Variants in CPB2 observed in about 807,000 individuals in gnomAD.
CPB2 encodes the protein carboxypeptidase B-like protein.
In CPB2, 54 loss-of-function variants were observed where a neutral mutation model predicts 57.0. The ratio of observed to expected loss-of-function variants is 0.95; its 90% confidence interval spans 0.76 to 1.19. The LOEUF (loss-of-function observed/expected upper bound fraction) is 1.19. Among genes scored for constraint, CPB2 ranks in the 50% most tolerant of loss-of-function variants. The pLI is 0.00. For synonymous variants in CPB2, 189 were observed against 178.1 expected, an observed-to-expected ratio of 1.06 and a Z score of -0.49; for missense variants, 426 against 512.0, an observed-to-expected ratio of 0.83 and a Z score of 1.62.
chr13:46,064,710 T>C lies in CPB2; in HGVS notation c.734A>G (p.Tyr245Cys). 1 of 1,614,128 alleles carries C rather than the reference T, an allele frequency of 6.2e-7. No homozygotes were observed. Among genetic ancestry groups the C allele is most frequent in the Non-Finnish European group, 8.5e-7 (1 of 1,179,990 alleles). The change falls in exon 8 of 11, where the codon TAT becomes TGT. Residue 245 changes from tyrosine to cysteine, a missense_variant. Physicochemically the swap from Tyr to Cys is radical, Grantham distance 194 (BLOSUM62 -2). Transcript: ENST00000181383. Reference sequence around the variant, plus strand: ...TGTTCCGATGCAATGATTGTTCGCATAGAAAGAACGGTTCTTTCTCCACAT... The same window carrying C: ...TGTTCCGATGCAATGATTGTTCGCACAGAAAGAACGGTTCTTTCTCCACAT... Reference protein sequence around the residue: ...NRMWRKNRSFYANNHCIGTDL... With the variant: ...NRMWRKNRSFCANNHCIGTDL...
At chr13:46,079,636 G>T (rs2045081690) in intron 4 of CPB2, among the ~76,000 whole-genome samples, 1 of 151,934 alleles carries the variant, frequency 6.6e-6, no homozygotes, top group Non-Finnish European at 1.5e-5. Context: ...GTCTGGTTTG[G>T]GATTGCTGGG....
chr13:46,104,581 T>C (rs2045471654), intron 1 of CPB2, among the ~76,000 whole-genome samples: 1 of 152,232 alleles, frequency 6.6e-6, no homozygotes, highest in Non-Finnish European at 1.5e-5. Context: ...GATCCATAGT[T>C]AACTTTTTTT....
At position 46,058,388 on chromosome 13, in the gene CPB2, C is replaced by T. The variant is rs369983289; in HGVS notation, c.797-7G>A. ...GAACTGGATGCACCTTCCTCTGTAACGAAATTGTTAAGGTGAAATTATGAG... is the reference window on the plus strand; with the variant it reads ...GAACTGGATGCACCTTCCTCTGTAATGAAATTGTTAAGGTGAAATTATGAG... On this transcript the variant is annotated splice_region_variant and splice_polypyrimidine_tract_variant and intron_variant, in intron 8 of 10. Coordinates refer to ENST00000181383, the MANE Select transcript of CPB2 (RefSeq NM_001872.5). The T allele has an allele frequency of 3.9e-5, 63 of 1,613,286 alleles. No homozygotes were observed. The highest frequency in any genetic ancestry group is 4.4e-5 in the Non-Finnish European group (52 of 1,179,558).
chr13:46,083,500 C>T (rs1297308486), intron 3 of CPB2, among the ~76,000 whole-genome samples: 2 of 152,034 alleles, frequency 1.3e-5, no homozygotes, highest in Non-Finnish European at 2.9e-5. Flanking sequence ...CAGAAGAGAG[C>T]ATGGTCTCAA....
intron 1 of CPB2, among the ~76,000 whole-genome samples, chr13:46,090,986 A>G (rs1440429766): frequency 6.6e-6 from 1 of 152,148 alleles, no homozygotes; most frequent in Non-Finnish European, 1.5e-5. Context: ...AGCCTCCCAA[A>G]GTGCTGGGAT....
intron 10 of CPB2, among the ~76,000 whole-genome samples, chr13:46,054,691 T>G (rs2044669668): frequency 6.6e-6 from 1 of 151,972 alleles, no homozygotes; most frequent in Non-Finnish European, 1.5e-5. Flanking sequence ...GCCAGAAGAC[T>G]TGTTACAGTT....
At chr13:46,070,202 T>A (rs2044918892) in intron 6 of CPB2, among the ~76,000 whole-genome samples, 1 of 152,250 alleles carries the variant, frequency 6.6e-6, no homozygotes, top group Admixed American at 6.5e-5. Context: ...TAGAAGATTT[T>A]GCCCTACTGT....
Position 46,067,380 on chromosome 13 carries a change from T to C in CPB2, c.629A>G (p.Asn210Ser), listed in dbSNP as rs1047291731. The C allele has an allele frequency of 6.9e-6, 11 of 1,592,020 alleles. No homozygotes were observed. In the East Asian group the frequency reaches 9.0e-5, roughly 13 times the overall value. The change falls in exon 7 of 11, where the codon AAT becomes AGT. Residue 210 changes from asparagine to serine, a missense_variant. Asn to Ser is a conservative substitution (Grantham distance 46, BLOSUM62 1). Transcript: ENST00000181383. ...ATAGAAATCCACAAGCCTCAGGAGA[T>C]TGGTATATTGCCCTATTATCCCATA... ...QFYGIIGQYT[N>S]LLRLVDFYVM...
At chr13:46,064,094 C>CT (rs1219754773) in intron 8 of CPB2, among the ~76,000 whole-genome samples, 1 of 151,676 alleles carries the variant, frequency 6.6e-6, no homozygotes, top group Non-Finnish European at 1.5e-5. Context: ...CCCATCTGTA[C>CT]TAAAAAAAAT....
intron 5 of CPB2, among the ~76,000 whole-genome samples, chr13:46,076,069 C>T (rs564429742): frequency 2.6e-5 from 4 of 152,282 alleles, no homozygotes; most frequent in Admixed American, 2.0e-4. Context: ...CAGCCTTGTC[C>T]GGCTGTTTGT....
chr13:46,100,644 T>A (rs1157692258), intron 1 of CPB2: 1 of 152,266 alleles, frequency 6.6e-6, no homozygotes, highest in African/African-American at 2.4e-5. Context: ...CAAAGACTGG[T>A]GCCTGGCTTC....
intron 5 of CPB2, among the ~76,000 whole-genome samples, chr13:46,075,664 G>C (rs1256751659): frequency 2.6e-5 from 4 of 152,182 alleles, no homozygotes; most frequent in Non-Finnish European, 4.4e-5. Flanking sequence ...GATTAAAATT[G>C]AGAAGTCCTA....
chr13:46,100,363 G>C (rs1366582045), intron 1 of CPB2: 1 of 152,200 alleles, frequency 6.6e-6, no homozygotes, highest in African/African-American at 2.4e-5. Flanking sequence ...TAGGTAATGG[G>C]ATGAGGGTCA....
At chr13:46,099,091 A>T (rs976560907) in intron 1 of CPB2, 2 of 152,214 alleles carry the variant, frequency 1.3e-5, no homozygotes, top group Non-Finnish European at 2.9e-5. Flanking sequence ...CTTCTGAGAT[A>T]CTAGGATTCA....
chr13:46,055,074 T>TAA (rs68147896), intron 10 of CPB2, among the ~76,000 whole-genome samples: 55 of 142,300 alleles, frequency 3.9e-4, no homozygotes, highest in Non-Finnish European at 6.4e-4. Flanking sequence ...TTCTAATCAT[T>TAA]AAAAAAAAAA....
chr13:46,101,865 G>A (rs2045438800), intron 1 of CPB2, among the ~76,000 whole-genome samples: 1 of 152,146 alleles, frequency 6.6e-6, no homozygotes, highest in Admixed American at 6.6e-5. Flanking sequence ...ACGTCATTAT[G>A]TTCATTGGGG....
chr13:46,054,333 T>C (rs1041558619), intron 10 of CPB2, among the ~76,000 whole-genome samples: 8 of 152,352 alleles, frequency 5.3e-5, no homozygotes, highest in African/African-American at 1.9e-4. Context: ...ATTAGTGTTA[T>C]TAGCTTTGTT....
chr13:46,073,928 C>A lies in CPB2; in HGVS notation c.536G>T (p.Gly179Val), dbSNP rs1198030126. The A allele has an allele frequency of 3.1e-6, 5 of 1,591,770 alleles. No individual in the cohort carries two copies. The East Asian group carries it at 9.0e-5, about 29-fold the overall frequency. The stretch of plus-strand genomic sequence containing the variant: ...AGAGATCCATTCTCTGGCATGGATT[C>A]CACAGTCAATCCATATGGCATTTTT... ...AAKNAIWIDC[G>V]IHAREWISPA... Residue 179 changes from glycine to valine, a missense_variant, in exon 6 of 11, where the codon GGA (glycine) becomes GTA (valine). Gly to Val is a moderately radical substitution (Grantham distance 109). Transcript: ENST00000181383.
At position 46,087,630 on chromosome 13, in the gene CPB2, G is replaced by A. The variant is rs144992241; in HGVS notation, c.150+115C>T. 3 of 703,164 alleles carry A rather than the reference G, an allele frequency of 4.3e-6. No individual in the cohort carries two copies. The East Asian group carries it at 7.7e-5, about 18-fold the overall frequency. The allele number at this position is 703,164 out of a possible 1,614,324, so 43.6% of individuals were successfully genotyped here. ...ATTATGAGAAGGGAGAGAAGACTAT[G>A]AGAAGAAGAGTTCATACCAGATACA... On this transcript the variant is annotated intron_variant, in intron 2 of 10. Transcript: ENST00000181383.
Sources: allele counts gnomAD v4.1 joint callset (sites outside exome capture counted in the v4.1 genomes callset), GRCh38; gene constraint gnomAD v4.1.1; transcripts MANE v1.5; gene names NCBI Gene and HGNC (gene_info 2026-07-23, HGNC 2026-07-21).